Variants in PMFBP1 observed in about 807,000 individuals in gnomAD.
PMFBP1 encodes the protein polyamine-modulated factor 1-binding protein 1.
In PMFBP1, 131 loss-of-function variants were observed where a neutral mutation model predicts 137.8. The ratio of observed to expected loss-of-function variants is 0.95; its 90% CI spans 0.82 to 1.10. The LOEUF (loss-of-function observed/expected upper bound fraction) is 1.10. Among genes scored for constraint, PMFBP1 ranks in the 50% least tolerant of loss-of-function variants. PMFBP1 has a pLI of 0.00. For synonymous variants in PMFBP1, 490 were observed against 450.4 expected (o/e 1.09, Z -1.11); for missense variants, 1,199 against 1,175.4 (o/e 1.02, Z -0.29).
At chr16:72,184,380 C>A in the PMFBP1 span, among the ~76,000 whole-genome samples, 1 of 152,218 alleles carries the variant, frequency 6.6e-6, no homozygotes. Context: ...TTCAATCTCT[C>A]CAACACTAAA....
chr16:72,246,712 T>A, the PMFBP1 span, among the ~76,000 whole-genome samples: 1 of 152,072 alleles, frequency 6.6e-6, no homozygotes, highest in Non-Finnish European at 1.5e-5. Flanking sequence ...AATGATTGAC[T>A]GGTTATTATT....
chr16:72,131,701 G>A (rs542010834), intron 10 of PMFBP1, among the ~76,000 whole-genome samples: 20 of 152,304 alleles, frequency 1.3e-4, no homozygotes, highest in African/African-American at 4.8e-4. Context: ...GACCCGTGAT[G>A]TCTCCAAAGC....
chr16:72,208,684 T>C, the PMFBP1 span, among the ~76,000 whole-genome samples: 8 of 152,252 alleles, frequency 5.3e-5, no homozygotes, highest in African/African-American at 1.7e-4. Flanking sequence ...AATTTTTCTG[T>C]GTGATTCGTG....
chr16:72,244,252 G>A, the PMFBP1 span, among the ~76,000 whole-genome samples: 2 of 152,056 alleles, frequency 1.3e-5, no homozygotes, highest in African/African-American at 4.8e-5. Context: ...TTTAGCTATT[G>A]AGGGTAATGA....
In PMFBP1 at chr16:72,128,708, A is replaced by G. The variant is rs775842634; in HGVS notation, c.2037T>C (p.Ser679=). 1.9e-6 allele frequency: 3 copies of G among 1,614,136 alleles called. No homozygotes were observed. In the East Asian group the frequency reaches 6.7e-5, roughly 36 times the overall value. The part of the protein sequence containing the change: ...LQCCSTQLES[S]LNKYNTSQQV... ...GCTGGCTGGTGTTGTATTTGTTGAG[A>G]GAGGATTCCAGTTGTGTAGAACAAC... is the stretch of plus-strand genomic sequence containing the variant. Residue 679 remains serine, a synonymous_variant, in exon 14 of 21, where the codon TCT becomes TCC. Coordinates refer to ENST00000237353, the MANE Select transcript of PMFBP1 (RefSeq NM_031293.3).
intron 14 of PMFBP1, among the ~76,000 whole-genome samples, chr16:72,127,093 C>T (rs1366122178): frequency 1.3e-5 from 2 of 152,206 alleles, no homozygotes; most frequent in Non-Finnish European, 2.9e-5. Context: ...AATTCATATG[C>T]CTGACTTGTA....
At chr16:72,226,486 C>T in the PMFBP1 span, among the ~76,000 whole-genome samples, 1 of 152,074 alleles carries the variant, frequency 6.6e-6, no homozygotes, top group African/African-American at 2.4e-5. Flanking sequence ...CTGTTTCTGC[C>T]CCCATTTCAA....
Position 72,119,948 on chromosome 16 carries a change from C to A in PMFBP1, c.2910G>T (p.Arg970Ser). 3 of 1,614,216 alleles carry A rather than the reference C, an allele frequency of 1.9e-6. No individual in the cohort carries two copies. The highest frequency in any genetic ancestry group is 2.5e-6 in the Non-Finnish European group (3 of 1,180,042). Residue 970 changes from arginine to serine, a missense_variant, in exon 20 of 21, where the codon AGG becomes AGT. By Grantham distance (110) the Arg-to-Ser change is moderately radical. Transcript: ENST00000237353. ...AGCCCAAGGTGCCGCACACTTTCTC[C>A]CTCTGTGTGGACTCCGTTCTGCTCG... ...LGPSRTESTQ[R>S]EKVCGTLGWK...
At chr16:72,187,069 C>T in the PMFBP1 span, among the ~76,000 whole-genome samples, 2 of 148,684 alleles carry the variant, frequency 1.3e-5, no homozygotes, top group African/African-American at 2.5e-5. Context: ...GCTAAGATTA[C>T]ACCACTGCAC....
At position 72,124,913 on chromosome 16, in the gene PMFBP1, G is replaced by A. The variant is rs762220595; in HGVS notation, c.2443C>T (p.Leu815=). 4.3e-6 allele frequency: 7 copies of A among 1,614,016 alleles called. No individual in the cohort carries two copies. Among genetic ancestry groups the A allele is most frequent in the Non-Finnish European group, 5.9e-6 (7 of 1,180,002 alleles). The change falls in exon 17 of 21, where the codon CTA becomes TTA. Residue 815 remains leucine, a synonymous_variant. Coordinates refer to ENST00000237353, the MANE Select transcript of PMFBP1 (RefSeq NM_031293.3). ...ELEVHAFDKK[L]EEMSCQVLQW... ...AGCACCTGGCAGCTCATCTCCTCTA[G>A]CTTCTTGTCAAAGGCGTGCACCTAC...
chr16:72,129,362 T>G, intron 12 of PMFBP1, 129 bp from the exon 13 acceptor site: 1 of 1,069,236 alleles, frequency 9.4e-7, no homozygotes, highest in Non-Finnish European at 1.3e-6. Flanking sequence ...ATATAGCATA[T>G]GTAAAATAAA....
chr16:72,245,667 T>G, the PMFBP1 span, among the ~76,000 whole-genome samples: 1 of 152,144 alleles, frequency 6.6e-6, no homozygotes, highest in South Asian at 2.1e-4. Flanking sequence ...TCCAGCCAAA[T>G]TTTCTCCCAG....
At chr16:72,221,814 T>A in the PMFBP1 span, among the ~76,000 whole-genome samples, 3 of 152,246 alleles carry the variant, frequency 2.0e-5, no homozygotes, top group Admixed American at 6.5e-5. Context: ...TGTTTAGACA[T>A]AGAGTCATTT....
chr16:72,199,428 CG>C, the PMFBP1 span, among the ~76,000 whole-genome samples: 3 of 152,010 alleles, frequency 2.0e-5, no homozygotes, highest in African/African-American at 7.3e-5. Context: ...CCGAGGTGGG[CG>C]GATGGCCTGA....
At chr16:72,160,449 C>T (rs1027496965) in intron 3 of PMFBP1, among the ~76,000 whole-genome samples, 1 of 152,156 alleles carries the variant, frequency 6.6e-6, no homozygotes, top group Non-Finnish European at 1.5e-5. Context: ...AAGTACTCTT[C>T]GAAGTATGTC....
chr16:72,225,000 T>C, the PMFBP1 span: 3 of 152,232 alleles, frequency 2.0e-5, no homozygotes, highest in African/African-American at 7.2e-5. Context: ...GAGTTACTTA[T>C]ATAAACAAGC....
rs375520622 is a variant in PMFBP1, at chr16:72,154,393, A to T, written c.232T>A (p.Cys78Ser). The stretch of plus-strand genomic sequence containing the variant: ...AGTTGCTGGAGTTGTCTCAGATGAC[A>T]CTGTTTACTGGACCCAAATTCCACC... ...SEVEFGSSKQCHLRQLQQLKK... is the reference protein window; with the variant it reads ...SEVEFGSSKQSHLRQLQQLKK... Residue 78 changes from cysteine to serine, a missense_variant, in exon 4 of 21, where the codon TGT becomes AGT. Coordinates refer to ENST00000237353, the MANE Select transcript of PMFBP1 (RefSeq NM_031293.3). The T allele has an allele frequency of 6.2e-7, 1 of 1,614,024 alleles. No homozygotes were observed. The highest frequency in any genetic ancestry group is 1.3e-5 in the African/African-American group (1 of 74,914).
the PMFBP1 span, among the ~76,000 whole-genome samples, chr16:72,223,511 C>T: frequency 6.6e-6 from 1 of 152,104 alleles, no homozygotes; most frequent in African/African-American, 2.4e-5. Context: ...TCTCAGTGTT[C>T]CTTATGACCA....
the PMFBP1 span, among the ~76,000 whole-genome samples, chr16:72,222,105 T>C: frequency 6.6e-6 from 1 of 152,034 alleles, no homozygotes; most frequent in Non-Finnish European, 1.5e-5. Flanking sequence ...AGTGGCAGAG[T>C]TGGGGTTGCA....
Sources: allele counts gnomAD v4.1 joint callset (sites outside exome capture counted in the v4.1 genomes callset), GRCh38; gene constraint gnomAD v4.1.1; transcripts MANE v1.5; gene names NCBI Gene and HGNC (gene_info 2026-07-23, HGNC 2026-07-21).